Variants in CLDN10 observed in about 807,000 individuals in gnomAD.
The protein encoded by CLDN10 is claudin-10.
CLDN10 carries 15 observed loss-of-function variants against 22.9 expected under a neutral mutation model. The ratio of observed to expected loss-of-function variants is 0.65; its 90% CI spans 0.44 to 1.01. The LOEUF (loss-of-function observed/expected upper bound fraction) is 1.01. Ranked by LOEUF, CLDN10 falls within the 50% of genes least tolerant of loss-of-function variation. The probability of loss-of-function intolerance (pLI) is 0.00; values close to 1 mark genes in which losing one functional copy is unlikely to be tolerated. For missense variants in CLDN10, 247 were observed against 287.8 expected (o/e 0.86, Z 1.03); for synonymous variants, 114 against 111.4 (o/e 1.02, Z -0.15).
intron 3 of CLDN10, among the ~76,000 whole-genome samples, chr13:95,569,267 G>A (rs775430870): frequency 6.6e-5 from 10 of 152,132 alleles, no homozygotes; most frequent in Non-Finnish European, 1.2e-4. Context: ...TAGAAGGCAC[G>A]TTTGAAGGGG....
chr13:95,435,559 C>T (rs2042260375), intron 1 of CLDN10, among the ~76,000 whole-genome samples: 1 of 152,160 alleles, frequency 6.6e-6, no homozygotes, highest in Non-Finnish European at 1.5e-5. Context: ...CATTTGAGGA[C>T]TCCATGCTAT....
chr13:95,506,492 T>C (rs2043040350), intron 1 of CLDN10, among the ~76,000 whole-genome samples: 1 of 152,200 alleles, frequency 6.6e-6, no homozygotes, highest in African/African-American at 2.4e-5. Context: ...CTACTGCCTC[T>C]CTTCTCAAGA....
intron 1 of CLDN10, among the ~76,000 whole-genome samples, chr13:95,508,378 C>A (rs1021668143): frequency 3.3e-5 from 5 of 152,188 alleles, no homozygotes; most frequent in African/African-American, 1.2e-4. Flanking sequence ...ATTTTAGAGT[C>A]ACAGAATACG....
chr13:95,577,807 G>C, intron 4 of CLDN10, 93 bp from the exon 5 acceptor site: 1 of 697,066 alleles, frequency 1.4e-6, no homozygotes, highest in Non-Finnish European at 2.5e-6. Flanking sequence ...TTTACATTTA[G>C]ATATTGGCAG....
At chr13:95,501,013 A>T (rs2042978846) in intron 1 of CLDN10, among the ~76,000 whole-genome samples, 1 of 151,660 alleles carries the variant, frequency 6.6e-6, no homozygotes, top group African/African-American at 2.4e-5. Context: ...TTTAATTCTT[A>T]ATTTTCTTTT....
intron 1 of CLDN10, among the ~76,000 whole-genome samples, chr13:95,500,269 A>T (rs1184509864): frequency 6.6e-6 from 1 of 151,478 alleles, no homozygotes; most frequent in Non-Finnish European, 1.5e-5. Context: ...GTAAAACAGC[A>T]TGTTGCATGC....
chr13:95,570,267 T>C (rs1172814116), intron 3 of CLDN10, among the ~76,000 whole-genome samples: 1 of 152,198 alleles, frequency 6.6e-6, no homozygotes, highest in African/African-American at 2.4e-5. Flanking sequence ...CTGTAACTAT[T>C]ATGACTCGGT....
intron 1 of CLDN10, among the ~76,000 whole-genome samples, chr13:95,459,839 C>T (rs943351196): frequency 2.0e-5 from 3 of 152,200 alleles, no homozygotes; most frequent in Non-Finnish European, 4.4e-5. Flanking sequence ...CATTGTCAGG[C>T]TGCAAATTTT....
intron 1 of CLDN10, among the ~76,000 whole-genome samples, chr13:95,495,080 G>T: frequency 6.6e-6 from 1 of 150,428 alleles, no homozygotes; most frequent in Non-Finnish European, 1.5e-5. Flanking sequence ...CTGTTGCCCA[G>T]GCTGGAGTGC....
At position 95,545,945 on chromosome 13, in the gene CLDN10, G is replaced by A. The variant is rs543150027; in HGVS notation, c.215-14187G>A. 1.1e-4 allele frequency among the ~76,000 whole-genome samples: 16 copies of A among 152,244 alleles called. 1 individual carries two copies. Among genetic ancestry groups the A allele is most frequent in the African/African-American group, 1.2e-4 (5 of 41,548 alleles). ...ACAGATTTAAGAATTCTCTAATGAA[G>A]TCTTCTTACTGTGTGTGTGGACTCA... is the stretch of plus-strand genomic sequence containing the variant. On this transcript the variant is annotated intron_variant, in intron 1 of 4. Transcript: ENST00000376873.
chr13:95,450,919 G>A (rs1566649430), intron 1 of CLDN10, among the ~76,000 whole-genome samples: 1 of 152,188 alleles, frequency 6.6e-6, no homozygotes, highest in African/African-American at 2.4e-5. Flanking sequence ...CAGCTGCGTT[G>A]AGAGCATTTA....
Position 95,522,359 on chromosome 13 carries a change from A to G in CLDN10, c.215-37773A>G, listed in dbSNP as rs908264678. 2.1e-4 allele frequency among the ~76,000 whole-genome samples: 32 copies of G among 152,126 alleles called. 1 individual carries two copies. Among genetic ancestry groups the G allele is most frequent in the Admixed American group, 2.0e-3 (31 of 15,284 alleles). ...CAGTATAAAATTTATTCTAAATTTT[A>G]TAATTTCTTTTTTGACAACTGATTT... is the stretch of plus-strand genomic sequence containing the variant. On this transcript the variant is annotated intron_variant, in intron 1 of 4. Coordinates refer to the CLDN10 transcript ENST00000376873.
At chr13:95,541,196 A>G (rs2043456486) in intron 1 of CLDN10, among the ~76,000 whole-genome samples, 1 of 152,256 alleles carries the variant, frequency 6.6e-6, no homozygotes, top group African/African-American at 2.4e-5. Context: ...CAGAAAATAA[A>G]CGGAACTCGT....
At chr13:95,455,523 C>T (rs1310561321) in intron 1 of CLDN10, among the ~76,000 whole-genome samples, 1 of 152,174 alleles carries the variant, frequency 6.6e-6, no homozygotes, top group African/African-American at 2.4e-5. Context: ...GTTCTGCCTC[C>T]ACTGCACAGT....
rs958108330 is a variant in CLDN10 at position 95,564,926 on chromosome 13, C to A, written c.464+4463C>A. 2.0e-5 allele frequency among the ~76,000 whole-genome samples: 3 copies of A among 152,176 alleles called. No individual in the cohort carries two copies. The East Asian group carries it at 5.8e-4, about 29-fold the overall frequency. Reference sequence around the variant, plus strand: ...TCCGAGCTACAATCATTTGACAGAACTGCAATCTGTAAAGAGTTTCATCGT... The same window carrying A: ...TCCGAGCTACAATCATTTGACAGAAATGCAATCTGTAAAGAGTTTCATCGT... On this transcript the variant is annotated intron_variant, in intron 3 of 4. Coordinates refer to ENST00000299339, the MANE Select transcript of CLDN10 (RefSeq NM_006984.5).
intron 1 of CLDN10, among the ~76,000 whole-genome samples, chr13:95,525,574 C>A (rs963001156): frequency 3.3e-5 from 5 of 152,120 alleles, no homozygotes; most frequent in Non-Finnish European, 7.3e-5. Flanking sequence ...CTCACTGCAA[C>A]CTCCACCTCC....
chr13:95,461,997 G>C (rs1164638355), intron 1 of CLDN10, among the ~76,000 whole-genome samples: 3 of 152,194 alleles, frequency 2.0e-5, no homozygotes, highest in South Asian at 4.1e-4. Context: ...TCAGGAGGCT[G>C]AGGTGGGAAG....
chr13:95,485,188 C>T (rs73561602), intron 1 of CLDN10, among the ~76,000 whole-genome samples: 2,520 of 152,150 alleles, frequency 0.017, 72 homozygotes, highest in African/African-American at 0.058. Context: ...AACAAGAGGG[C>T]GAGGTGCCCC....
upstream of CLDN10, chr13:95,552,620 G>A (rs570510143): frequency 8.8e-5 from 103 of 1,175,204 alleles, no homozygotes; most frequent in African/African-American, 1.5e-3. Context: ...CCCTGGCGCC[G>A]GGTCCGCTGG....
Sources: gnomAD v4.1 joint callset for allele counts (sites outside exome capture counted in the v4.1 genomes callset) on GRCh38, gnomAD v4.1.1 for gene constraint, MANE v1.5 for transcripts, NCBI Gene and HGNC (gene_info 2026-07-23, HGNC 2026-07-21) for gene names.